CPNE4: variants seen among roughly 807,000 people sequenced by gnomAD.
The protein encoded by CPNE4 is copine-4.
A neutral mutation model predicts 67.9 loss-of-function variants in CPNE4; 25 were observed. The ratio of observed to expected loss-of-function variants is 0.37; its 90% CI spans 0.27 to 0.51. The LOEUF is 0.51. Among genes scored for constraint, CPNE4 ranks in the 20% least tolerant of loss-of-function variants. CPNE4 has a pLI of 0.93. For synonymous variants in CPNE4, 242 were observed against 244.9 expected, an observed-to-expected ratio of 0.99 and a Z score of 0.11; for missense variants, 464 against 690.8, an observed-to-expected ratio of 0.67 and a Z score of 3.68.
In CPNE4 at chr3:131,864,143, G is replaced by C. The variant is rs2086824724; in HGVS notation, c.180+41121C>G. ...ATAGTTTGAAGTCAGGTAGCGTGAT[G>C]CCTCCAGCTTTGTTCTTTTGGCTTA... On this transcript the variant is annotated intron_variant, in intron 2 of 15. Transcript: ENST00000429747. Among the ~76,000 whole-genome samples the C allele has an allele frequency of 4.0e-5, 6 of 151,548 alleles. No homozygotes were observed. The East Asian group carries it at 1.2e-3, about 30-fold the overall frequency.
rs117858848 is a variant in CPNE4, at chr3:131,999,199, C to A, written c.-2+35368G>T. Among the ~76,000 whole-genome samples, 327 of 138,942 alleles carry A rather than the reference C, an allele frequency of 2.4e-3. 2 individuals carry two copies. In the East Asian group the frequency reaches 0.025, roughly 11 times the overall value. 91.2% of individuals were successfully genotyped at this position (138,942 alleles called of 152,430 possible). A position where few individuals can be genotyped will look rare whatever the true frequency, so the allele number is the denominator to read the frequency against. ...GAGGAGAAAAACGAAGGGCAGTGCACCCTCTGTCTCAGAAATCTCAATTAT... is the reference window on the plus strand; with the variant it reads ...GAGGAGAAAAACGAAGGGCAGTGCAACCTCTGTCTCAGAAATCTCAATTAT... On this transcript the variant is annotated intron_variant, in intron 1 of 15. Transcript: ENST00000429747.
intron 14 of CPNE4, among the ~76,000 whole-genome samples, chr3:131,544,629 AGGATGAAGTGATGGAGGTGGTAGGGAGGT>A (rs1935716583): frequency 6.6e-6 from 1 of 152,218 alleles, no homozygotes; most frequent in East Asian, 1.9e-4. Flanking sequence ...GGCTTTCAGT[AGGATGAAGTGATGGAGGTGGTAGGGAGGT>A]GCAGAGAGAA....
chr3:131,554,404 G>T (rs6804219), intron 12 of CPNE4, among the ~76,000 whole-genome samples: 1,862 of 152,124 alleles, frequency 0.012, 46 homozygotes, highest in African/African-American at 0.042. Context: ...TTTGTGGCCT[G>T]AATAATGTCT....
At chr3:131,579,133 C>T (rs1937630525) in intron 9 of CPNE4, among the ~76,000 whole-genome samples, 1 of 152,204 alleles carries the variant, frequency 6.6e-6, no homozygotes, top group South Asian at 2.1e-4. Context: ...CAGCTGGTGA[C>T]TTTAAGTGGA....
At chr3:131,727,116 T>TAAATATCAGCACAAGGTA (rs1220105034) in intron 2 of CPNE4, among the ~76,000 whole-genome samples, 2 of 152,222 alleles carry the variant, frequency 1.3e-5, no homozygotes, top group African/African-American at 4.8e-5. Context: ...AACTCAAGGT[T>TAAATATCAGCACAAGGTA]AAATATCAGC....
intron 1 of CPNE4, among the ~76,000 whole-genome samples, chr3:132,000,676 A>G (rs1345033201): frequency 6.6e-6 from 1 of 151,822 alleles, no homozygotes; most frequent in African/African-American, 2.4e-5. Flanking sequence ...AGAGCTGACA[A>G]TTTGGGTATC....
At chr3:131,817,966 A>G (rs9851479) in intron 2 of CPNE4, among the ~76,000 whole-genome samples, 47,652 of 152,080 alleles carry the variant, frequency 0.31, 8,155 homozygotes, top group Non-Finnish European at 0.37. Context: ...AAGGGGCTGC[A>G]TTTCAGTATT....
intron 5 of CPNE4, among the ~76,000 whole-genome samples, chr3:131,694,233 T>A (rs1050733640): frequency 1.3e-5 from 2 of 152,178 alleles, no homozygotes; most frequent in African/African-American, 4.8e-5. Flanking sequence ...TATAGTGACT[T>A]TTAGTCATAC....
At chr3:132,037,215 C>A (rs145000852), upstream of CPNE4, among the ~76,000 whole-genome samples, 208 of 152,316 alleles carry the variant, frequency 1.4e-3, no homozygotes, top group African/African-American at 4.7e-3. Flanking sequence ...CAACTTGTGA[C>A]AAATATGGTT....
chr3:131,845,780 C>T (rs1272119617), intron 2 of CPNE4, among the ~76,000 whole-genome samples: 1 of 152,048 alleles, frequency 6.6e-6, no homozygotes, highest in Non-Finnish European at 1.5e-5. Context: ...TCTTTCTGGC[C>T]TGAAGTTTAT....
intron 2 of CPNE4, among the ~76,000 whole-genome samples, chr3:131,867,863 G>C (rs762708911): frequency 6.6e-6 from 1 of 152,058 alleles, no homozygotes; most frequent in Non-Finnish European, 1.5e-5. Context: ...TACGTTGATG[G>C]ATAATGAATG....
intron 2 of CPNE4, among the ~76,000 whole-genome samples, chr3:131,758,807 A>T (rs960011389): frequency 6.6e-6 from 1 of 152,046 alleles, no homozygotes; most frequent in Non-Finnish European, 1.5e-5. Context: ...GTGATAGTGA[A>T]TAAGTATCAA....
chr3:131,743,980 A>AAAAAC, intron 2 of CPNE4, among the ~76,000 whole-genome samples: 1 of 148,950 alleles, frequency 6.7e-6, no homozygotes, highest in Non-Finnish European at 1.5e-5. Context: ...AAAAAAAAAA[A>AAAAAC]AAAACAATAA....
chr3:131,533,946 G>C lies in CPNE4; in HGVS notation c.*1249C>G, dbSNP rs986181372. ...AGCTTATATTGAAACAAAACACCTC[G>C]ACCCCAGACAATAATTCCAGGCATT... On this transcript the variant is annotated 3_prime_UTR_variant, in exon 16 of 16. Coordinates refer to ENST00000429747, the MANE Select transcript of CPNE4 (RefSeq NM_130808.3). 6.6e-6 allele frequency: 1 copy of C among 152,038 alleles called. No homozygotes were observed. The highest frequency in any genetic ancestry group is 1.5e-5 in the Non-Finnish European group (1 of 68,014). 9.4% of individuals were successfully genotyped at this position (152,038 alleles called of 1,614,324 possible). A position where few individuals can be genotyped will look rare whatever the true frequency, so the allele number is the denominator to read the frequency against.
chr3:131,946,836 T>C (rs2071565491), intron 1 of CPNE4, among the ~76,000 whole-genome samples: 1 of 152,200 alleles, frequency 6.6e-6, no homozygotes, highest in South Asian at 2.1e-4. Flanking sequence ...TTAGCTCTTA[T>C]ATTTATTTAG....
chr3:131,717,901 TC>T lies in CPNE4; in HGVS notation c.360+5544del, dbSNP rs2081758882. 2.7e-5 allele frequency among the ~76,000 whole-genome samples: 3 copies of T among 111,346 alleles called. No homozygotes were observed. In the Admixed American group the frequency reaches 2.8e-4, roughly 11 times the overall value. 73.0% of individuals were successfully genotyped at this position (111,346 alleles called of 152,430 possible). On this transcript the variant is annotated intron_variant, in intron 3 of 15. Coordinates refer to ENST00000429747, the MANE Select transcript of CPNE4 (RefSeq NM_130808.3). ...TTCTTTCTTTCTTTCTTTCTTTCTT[TC>T]TTTCTTTCTTTCTTTCTTTCTTTCT... is the stretch of plus-strand genomic sequence containing the variant.
chr3:131,715,462 G>T (rs1201070333), intron 3 of CPNE4, among the ~76,000 whole-genome samples: 2 of 152,226 alleles, frequency 1.3e-5, no homozygotes, highest in South Asian at 2.1e-4. Context: ...AGATGGAAAA[G>T]ATTATACAGG....
chr3:132,004,651 A>C (rs2073539337), intron 1 of CPNE4, among the ~76,000 whole-genome samples: 1 of 152,146 alleles, frequency 6.6e-6, no homozygotes, highest in Admixed American at 6.6e-5. Flanking sequence ...AATTTCCTGA[A>C]CTAAAACATT....
At chr3:131,675,609 A>G (rs1300682099) in intron 6 of CPNE4, among the ~76,000 whole-genome samples, 1 of 151,924 alleles carries the variant, frequency 6.6e-6, no homozygotes, top group Non-Finnish European at 1.5e-5. Flanking sequence ...ATTTTGTCTG[A>G]TGTAAGTATA....
Sources: allele counts gnomAD v4.1 joint callset (sites outside exome capture counted in the v4.1 genomes callset), GRCh38; gene constraint gnomAD v4.1.1; transcripts MANE v1.5; gene names NCBI Gene and HGNC (gene_info 2026-07-23, HGNC 2026-07-21).